NRG4: variants seen among roughly 807,000 people sequenced by gnomAD.
The protein encoded by NRG4 is neuregulin 4.
Under a neutral mutation model 15.0 loss-of-function variants are expected in NRG4, and 10 were observed. The ratio of observed to expected loss-of-function variants is 0.67; its 90% CI spans 0.41 to 1.13. NRG4 has a LOEUF of 1.13. Ranked by LOEUF, NRG4 falls within the 50% of genes most tolerant of loss-of-function variation. The pLI is 0.00. For missense variants in NRG4, 139 were observed against 140.2 expected, an observed-to-expected ratio of 0.99 and a Z score of 0.04; for synonymous variants, 41 against 50.1, an observed-to-expected ratio of 0.82 and a Z score of 0.77.
chr15:75,959,403 G>A (rs1369872571), intron 4 of NRG4, among the ~76,000 whole-genome samples: 2 of 152,062 alleles, frequency 1.3e-5, no homozygotes, highest in African/African-American at 2.4e-5. Context: ...ATGAGCATAT[G>A]ATTGAATTGC....
At chr15:76,005,718 T>G in intron 3 of NRG4, 1 of 334,888 alleles carries the variant, frequency 3.0e-6, no homozygotes, top group Non-Finnish European at 5.8e-6. Context: ...AAGAGAATTG[T>G]AAGGAAGAGA....
chr15:76,031,896 G>C lies in NRG4; in HGVS notation c.-57+4048C>G, dbSNP rs140017960. Among the ~76,000 whole-genome samples, 377 of 152,162 alleles carry C rather than the reference G, an allele frequency of 2.5e-3. 3 individuals carry two copies. The highest frequency in any genetic ancestry group is 8.8e-3 in the African/African-American group (365 of 41,512). On this transcript the variant is annotated intron_variant, in intron 5 of 8. Transcript: ENST00000563910. ...AAAACCCCTAAAAATTGGAAAGGAAGAATAAAGCTGTAATTATTCACAGAT... is the reference window on the plus strand; with the variant it reads ...AAAACCCCTAAAAATTGGAAAGGAACAATAAAGCTGTAATTATTCACAGAT...
At chr15:76,039,100 A>G (rs2035667687) in intron 4 of NRG4, among the ~76,000 whole-genome samples, 1 of 152,168 alleles carries the variant, frequency 6.6e-6, no homozygotes, top group African/African-American at 2.4e-5. Flanking sequence ...AGATCACAAC[A>G]CTCAAAGTCC....
chr15:75,982,819 G>C (rs1284150116), intron 3 of NRG4, among the ~76,000 whole-genome samples: 1 of 152,110 alleles, frequency 6.6e-6, no homozygotes, highest in African/African-American at 2.4e-5. Flanking sequence ...AGCCAAAGAG[G>C]GGATCCCCAA....
At chr15:76,011,645 A>T (rs1032311565) in intron 1 of NRG4, among the ~76,000 whole-genome samples, 1 of 152,210 alleles carries the variant, frequency 6.6e-6, no homozygotes, top group Non-Finnish European at 1.5e-5. Flanking sequence ...CAGTAAGTAA[A>T]ACTGAATGAA....
In NRG4 at chr15:75,977,749, G is replaced by A. The variant is rs550579479; in HGVS notation, c.105-15775C>T. ...TCGCTGGGAGCTGCAGACCAGAGCTGTTCCTATTTGGCCATCTTATCACTT... is the reference window on the plus strand; with the variant it reads ...TCGCTGGGAGCTGCAGACCAGAGCTATTCCTATTTGGCCATCTTATCACTT... On this transcript the variant is annotated intron_variant, in intron 3 of 5. Transcript: ENST00000394907. The surrounding 1 kb of genome is among the most constrained non-coding windows in gnomAD (Gnocchi z 4.9). Among the ~76,000 whole-genome samples, 3 of 152,296 alleles carry A rather than the reference G, an allele frequency of 2.0e-5. No individual in the cohort carries two copies. Among genetic ancestry groups the A allele is most frequent in the East Asian group, 3.9e-4 (2 of 5,192 alleles).
Position 76,029,880 on chromosome 15 carries a change from T to C in NRG4, c.-57+6064A>G, listed in dbSNP as rs147604292. Among the ~76,000 whole-genome samples the C allele has an allele frequency of 8.7e-3, 1,318 of 152,218 alleles. 20 individuals carry two copies. The highest frequency in any genetic ancestry group is 0.03 in the African/African-American group (1,238 of 41,524). On this transcript the variant is annotated intron_variant, in intron 5 of 8. Coordinates refer to the NRG4 transcript ENST00000563910. ...ACCTACAGATTCAATGCAATCCCTATCAAAATACCAATTACATTCTTCACA... is the reference window on the plus strand; with the variant it reads ...ACCTACAGATTCAATGCAATCCCTACCAAAATACCAATTACATTCTTCACA...
intron 3 of NRG4, among the ~76,000 whole-genome samples, chr15:75,984,953 T>C (rs142403390): frequency 1.3e-5 from 2 of 152,302 alleles, no homozygotes; most frequent in African/African-American, 2.4e-5. Context: ...CAAGTGATTC[T>C]TGTGCTTCAG....
At chr15:76,003,998 G>A (rs548370817) in intron 3 of NRG4, among the ~76,000 whole-genome samples, 1 of 152,102 alleles carries the variant, frequency 6.6e-6, no homozygotes, top group African/African-American at 2.4e-5. Context: ...TTAAAAGCTA[G>A]TATTATCATA....
At chr15:76,035,947 G>T (rs530672832) in exon 5 of NRG4, 1 of 152,292 alleles carries the variant, frequency 6.6e-6, no homozygotes, top group African/African-American at 2.4e-5. Flanking sequence ...TGCTCACCAA[G>T]AAATCTCTTG....
intron 3 of NRG4, among the ~76,000 whole-genome samples, chr15:75,987,679 T>C (rs2033847416): frequency 6.6e-6 from 1 of 152,178 alleles, no homozygotes; most frequent in Admixed American, 6.5e-5. Flanking sequence ...CCTCCAGAAA[T>C]CGGAGAAGTT....
chr15:76,042,122 A>T (rs1285145445), intron 4 of NRG4, among the ~76,000 whole-genome samples: 1 of 152,136 alleles, frequency 6.6e-6, no homozygotes, highest in Non-Finnish European at 1.5e-5. Context: ...TGAAACATTT[A>T]CTGAAACAAA....
At chr15:76,033,799 G>C (rs1024581833) in intron 5 of NRG4, among the ~76,000 whole-genome samples, 24 of 152,164 alleles carry the variant, frequency 1.6e-4, no homozygotes, top group African/African-American at 5.6e-4. Flanking sequence ...CCCCAGCCCT[G>C]TCTGACCCTT....
intron 3 of NRG4, among the ~76,000 whole-genome samples, chr15:76,007,555 G>A (rs533810641): frequency 1.7e-4 from 25 of 150,142 alleles, no homozygotes; most frequent in Non-Finnish European, 2.7e-4. Context: ...TCAGCCTCCC[G>A]AGTAGCTGGG....
At chr15:75,968,642 C>T (rs868182708) in intron 3 of NRG4, among the ~76,000 whole-genome samples, 3 of 147,906 alleles carry the variant, frequency 2.0e-5, no homozygotes, top group South Asian at 2.1e-4. Flanking sequence ...CAGCTGAGTG[C>T]GTAATCTCAG....
At chr15:75,940,925 G>A (rs1489037787), downstream of NRG4, 5 of 151,896 alleles carry the variant, frequency 3.3e-5, no homozygotes, top group African/African-American at 1.2e-4. Flanking sequence ...CACAGACAAC[G>A]AAAGAAAAAA....
At chr15:76,049,099 ACTT>A (rs1332530753) in intron 4 of NRG4, among the ~76,000 whole-genome samples, 1 of 150,378 alleles carries the variant, frequency 6.6e-6, no homozygotes, top group African/African-American at 2.5e-5. Context: ...TTCCAGGAAA[ACTT>A]CTCTGAAATA....
At chr15:76,019,702 AG>A in intron 5 of NRG4, among the ~76,000 whole-genome samples, 1 of 152,082 alleles carries the variant, frequency 6.6e-6, no homozygotes, top group Non-Finnish European at 1.5e-5. Flanking sequence ...CAATGAGATA[AG>A]CCAGGTTCCT....
chr15:75,949,704 A>C (rs1430609866), intron 5 of NRG4, among the ~76,000 whole-genome samples: 1 of 152,166 alleles, frequency 6.6e-6, no homozygotes, highest in Non-Finnish European at 1.5e-5. Flanking sequence ...GTTTTCTTCT[A>C]AGGTTTTTGT....
Sources: gnomAD v4.1 joint callset for allele counts (sites outside exome capture counted in the v4.1 genomes callset) on GRCh38, gnomAD v4.1.1 for gene constraint, Gnocchi (gnomAD v3.1) non-coding constraint, MANE v1.5 for transcripts, NCBI Gene and HGNC (gene_info 2026-07-23, HGNC 2026-07-21) for gene names.